Variants in MTOR observed in about 807,000 individuals in gnomAD.
MTOR encodes the protein serine/threonine-protein kinase mTOR.
A neutral mutation model predicts 319.8 loss-of-function variants in MTOR; 70 were observed. The observed-to-expected ratio is 0.22, with a 90% CI of 0.18 to 0.27. The LOEUF is 0.27. Ranked by LOEUF, MTOR falls within the 10% of genes least tolerant of loss-of-function variation. The probability of loss-of-function intolerance (pLI) is 1.00; values close to 1 mark genes in which losing one functional copy is unlikely to be tolerated. For missense variants in MTOR, 1,890 were observed against 3,274.4 expected, an observed-to-expected ratio of 0.58 and a Z score of 10.32; for synonymous variants, 1,183 against 1,211.4, an observed-to-expected ratio of 0.98 and a Z score of 0.49.
chr1:11,114,277 G>A (rs1337429171), intron 53 of MTOR, 41 bp downstream of exon 53: 2 of 1,608,614 alleles, frequency 1.2e-6, no homozygotes, highest in African/African-American at 1.3e-5. Context: ...TTACAGGTGT[G>A]AGCCACTGAG....
intron 6 of MTOR, 92 bp downstream of exon 6, chr1:11,253,747 A>G: frequency 7.1e-7 from 1 of 1,408,296 alleles, no homozygotes; most frequent in Middle Eastern, 2.1e-4. Flanking sequence ...CTGCCACAAA[A>G]TGTCAGCTCC....
At chr1:11,245,573 G>A (rs1648695962) in intron 8 of MTOR, among the ~76,000 whole-genome samples, 1 of 152,162 alleles carries the variant, frequency 6.6e-6, no homozygotes, top group Admixed American at 6.6e-5. Flanking sequence ...TAAGGGGATA[G>A]CATTTCGGCA....
intron 10 of MTOR, 77 bp from the exon 11 acceptor site, chr1:11,240,624 C>T (rs1475639044): frequency 1.7e-5 from 26 of 1,538,056 alleles, no homozygotes; most frequent in Non-Finnish European, 2.0e-5. Flanking sequence ...ACAGCTTTCT[C>T]TCCCAGCAAG....
chr1:11,233,666 A>C (rs1394438547), intron 14 of MTOR, among the ~76,000 whole-genome samples, 179 bp from the exon 15 acceptor site: 1 of 152,232 alleles, frequency 6.6e-6, no homozygotes, highest in East Asian at 1.9e-4. Context: ...TATGAAGTCT[A>C]AGTCTGACAT....
chr1:11,209,415 T>C lies in MTOR; in HGVS notation c.3698A>G (p.Gln1233Arg), dbSNP rs1000321853. The stretch of plus-strand genomic sequence containing the variant: ...TTGGCCACTCCTAAGCATCCGATGC[T>C]GGTAAATCAAAGGATCCTCCTCTTC... ...ADEEEDPLIY[Q>R]HRMLRSGQGD... Residue 1233 changes from glutamine (Q) to arginine (R), a missense_variant, in exon 25 of 58, where the codon CAG becomes CGG. By Grantham distance (43) the Gln-to-Arg change is conservative (BLOSUM62 1). Transcript: ENST00000361445. 1.9e-6 allele frequency: 3 copies of C among 1,614,072 alleles called. No homozygotes were observed. Among genetic ancestry groups the C allele is most frequent in the Middle Eastern group, 1.6e-4 (1 of 6,084 alleles).
At chr1:11,213,676 G>GACCA in intron 20 of MTOR, 110 bp from the exon 21 acceptor site, 2 of 1,031,698 alleles carry the variant, frequency 1.9e-6, no homozygotes, top group East Asian at 2.5e-5. Flanking sequence ...CATGGTCTGC[G>GACCA]CCGAGATCAA....
chr1:11,150,830 A>G (rs1644115967), intron 30 of MTOR, among the ~76,000 whole-genome samples: 1 of 152,194 alleles, frequency 6.6e-6, no homozygotes. Flanking sequence ...ACCCCAATAA[A>G]CAAAAGAGAA....
intron 5 of MTOR, 119 bp from the exon 6 acceptor site, chr1:11,254,092 G>T: frequency 8.6e-7 from 1 of 1,163,552 alleles, no homozygotes; most frequent in Non-Finnish European, 1.2e-6. Context: ...AGTGCCTAGT[G>T]CCAGTCATCA....
Position 11,121,483 on chromosome 1 carries a change from G to C in MTOR, c.6811-115C>G. ...GCTGAGTTCTAATTTCCCCATCATA[G>C]CCAAAGGAGAAGGGAAATAAGAACA... On this transcript the variant is annotated intron_variant, in intron 48 of 57. Transcript: ENST00000361445. The surrounding 1 kb of genome is among the most constrained non-coding windows in gnomAD (Gnocchi z 4.9). 1 of 1,377,466 alleles carries C rather than the reference G, an allele frequency of 7.3e-7. No homozygotes were observed. The highest frequency in any genetic ancestry group is 1.3e-5 in the South Asian group (1 of 75,844). 85.3% of individuals were successfully genotyped at this position (1,377,466 alleles called of 1,614,324 possible).
chr1:11,180,921 A>T (rs902997780), intron 28 of MTOR, among the ~76,000 whole-genome samples: 4 of 151,830 alleles, frequency 2.6e-5, no homozygotes, highest in African/African-American at 9.7e-5. Flanking sequence ...GGACTACAGG[A>T]GTGTGCCACC....
chr1:11,184,451 G>A (rs1299948837), intron 28 of MTOR, among the ~76,000 whole-genome samples: 1 of 152,160 alleles, frequency 6.6e-6, no homozygotes, highest in Non-Finnish European at 1.5e-5. Context: ...AATCTTGTTT[G>A]GGCTGTGTGT....
At chr1:11,174,731 C>T (rs1015141527) in intron 28 of MTOR, among the ~76,000 whole-genome samples, 3 of 152,170 alleles carry the variant, frequency 2.0e-5, no homozygotes, top group African/African-American at 7.2e-5. Flanking sequence ...GCCCCCTTAG[C>T]GAGGAACTCT....
chr1:11,176,245 A>C (rs999040688), intron 28 of MTOR, among the ~76,000 whole-genome samples: 2 of 152,178 alleles, frequency 1.3e-5, no homozygotes, highest in African/African-American at 4.8e-5. Context: ...CTGAGTCCAC[A>C]GTAACTTGAC....
chr1:11,150,238 G>T lies in MTOR; in HGVS notation c.4470-12C>A, dbSNP rs776512766. The T allele has an allele frequency of 1.9e-6, 3 of 1,606,840 alleles. No individual in the cohort carries two copies. The highest frequency in any genetic ancestry group is 1.1e-5 in the South Asian group (1 of 90,284). The stretch of plus-strand genomic sequence containing the variant: ...GGTGGAGTTGACCCCTGAAGAAAAT[G>T]AATTATATAGTCAGATTAATCCAAA... On this transcript the variant is annotated splice_polypyrimidine_tract_variant and intron_variant, in intron 30 of 57. Transcript: ENST00000361445.
At chr1:11,245,290 G>A (rs183556324) in intron 8 of MTOR, among the ~76,000 whole-genome samples, 1 of 152,160 alleles carries the variant, frequency 6.6e-6, no homozygotes, top group Non-Finnish European at 1.5e-5. Flanking sequence ...CATTGATGTT[G>A]GTCCCAAGTC....
Position 11,128,308 on chromosome 1 carries a change from TG to T in MTOR, c.5910+145del. ...TTTTTAGCAAGGCTCCCGGGCCCTC[TG>T]GGACGGCTGGCTGGACAGACCCTCC... On this transcript the variant is annotated intron_variant, in intron 42 of 57. Transcript: ENST00000361445. This position sits in a 1 kb window ranked among gnomAD's most constrained non-coding sequence, Gnocchi z 5.3. 8.2e-7 allele frequency: 1 copy of T among 1,216,564 alleles called. No individual in the cohort carries two copies. The highest frequency in any genetic ancestry group is 1.2e-6 in the Non-Finnish European group (1 of 865,390). 75.4% of individuals were successfully genotyped at this position (1,216,564 alleles called of 1,614,324 possible). A position where few individuals can be genotyped will look rare whatever the true frequency, so the allele number is the denominator to read the frequency against.
intron 26 of MTOR, among the ~76,000 whole-genome samples, chr1:11,200,904 T>A (rs12120449): frequency 0.06 from 9,022 of 151,320 alleles, 375 homozygotes; most frequent in South Asian, 0.12. Context: ...AGTCCCAGCT[T>A]CTCAGGAGGC....
chr1:11,128,720 C>T lies in MTOR; in HGVS notation c.5811+135G>A, dbSNP rs927839728. ...ATAAAGAAAATATGGACACTTGACA[C>T]TGGGACCGAGCCCTACTTCCTTAGC... On this transcript the variant is annotated intron_variant, in intron 41 of 57. Coordinates refer to ENST00000361445, the MANE Select transcript of MTOR (RefSeq NM_004958.4). The surrounding 1 kb of genome is among the most constrained non-coding windows in gnomAD (Gnocchi z 5.3). The T allele has an allele frequency of 5.0e-6, 5 of 1,005,268 alleles. No individual in the cohort carries two copies. Among genetic ancestry groups the T allele is most frequent in the African/African-American group, 4.8e-5 (3 of 61,942 alleles). The allele number at this position is 1,005,268 out of a possible 1,614,324, so 62.3% of individuals were successfully genotyped here. A position where few individuals can be genotyped will look rare whatever the true frequency, so the allele number is the denominator to read the frequency against.
rs570457712 is a variant in MTOR, at chr1:11,116,578, G to A, written c.7016+426C>T. 3.3e-5 allele frequency among the ~76,000 whole-genome samples: 5 copies of A among 152,246 alleles called. No individual in the cohort carries two copies. The South Asian group carries it at 1.0e-3, about 32-fold the overall frequency. ...TCCCACCTCAGCCTCCCAAAGTGCT[G>A]GAATTATAGGCATGAGCCAATGAGC... On this transcript the variant is annotated intron_variant, in intron 50 of 57. Coordinates refer to ENST00000361445, the MANE Select transcript of MTOR (RefSeq NM_004958.4).
Sources: allele counts gnomAD v4.1 joint callset (sites outside exome capture counted in the v4.1 genomes callset), GRCh38; gene constraint gnomAD v4.1.1; non-coding constraint Gnocchi (gnomAD v3.1); transcripts MANE v1.5; gene names NCBI Gene and HGNC (gene_info 2026-07-23, HGNC 2026-07-21).